The following DMD variants were observed in gnomAD, a reference collection of about 807,000 sequenced individuals.
DMD encodes the protein dystrophin.
DMD carries 63 observed loss-of-function variants against 330.1 expected under a neutral mutation model. That is an observed-to-expected ratio of 0.19 (90% CI 0.16 to 0.24). The LOEUF is 0.24. Among genes scored for constraint, DMD ranks in the 10% least tolerant of loss-of-function variants. The pLI, the probability that DMD is intolerant of heterozygous loss-of-function variation, is 1.00. For synonymous variants in DMD, 1,223 were observed against 959.8 expected, an observed-to-expected ratio of 1.27 and a Z score of -5.07; for missense variants, 3,344 against 2,684.1, an observed-to-expected ratio of 1.25 and a Z score of -5.43.
At chrX:31,314,742 C>CAGAGAGAGAGAG (rs199994602) in intron 62 of DMD, among the ~76,000 whole-genome samples, 10 of 55,283 alleles carry the variant, frequency 1.8e-4, no homozygotes, top group African/African-American at 8.5e-4. Context: ...AATACATACA[C>CAGAGAGAGAGAG]AGAGAGAGAG....
intron 17 of DMD, among the ~76,000 whole-genome samples, chrX:32,540,158 CTAGATAA>C (rs907014507): frequency 9.0e-6 from 1 of 111,290 alleles, no homozygotes; most frequent in Non-Finnish European, 1.9e-5. Context: ...TACCAATTAA[CTAGATAA>C]TAGATCTAGT....
chrX:33,090,359 T>G lies in DMD; in HGVS notation c.32-70159A>C, dbSNP rs181413148. Among the ~76,000 whole-genome samples, 306 of 108,701 alleles carry G rather than the reference T, an allele frequency of 2.8e-3. 7 individuals are homozygous for G. In the Admixed American group the frequency reaches 0.029, roughly 10 times the overall value. The allele number at this position is 108,701 out of a possible 115,157, so 94.4% of individuals were successfully genotyped here. ...AATGATAGTATAGAATATTATTCTA[T>G]TCTATACTATATTATTATAGAATAT... On this transcript the variant is annotated intron_variant, in intron 1 of 78. Coordinates refer to ENST00000357033, the MANE Select transcript of DMD (RefSeq NM_004006.3).
intron 27 of DMD, among the ~76,000 whole-genome samples, chrX:32,444,373 A>G (rs2098294986): frequency 9.1e-6 from 1 of 110,434 alleles, no homozygotes; most frequent in South Asian, 3.7e-4. Context: ...AAAAAAAAAG[A>G]CAAAAATTCC....
At chrX:32,685,058 T>G in intron 9 of DMD, among the ~76,000 whole-genome samples, 1 of 111,540 alleles carries the variant, frequency 9.0e-6, no homozygotes, top group Non-Finnish European at 1.9e-5. Context: ...TTTTAAGAGC[T>G]TATAAAAACT....
At chrX:31,287,422 A>G (rs1289830858) in intron 62 of DMD, among the ~76,000 whole-genome samples, 1 of 112,725 alleles carries the variant, frequency 8.9e-6, no homozygotes, top group Non-Finnish European at 1.9e-5. Context: ...GGCAGCAGGC[A>G]CTTTGTATAA....
intron 43 of DMD, among the ~76,000 whole-genome samples, chrX:32,226,931 A>G (rs1368352073): frequency 9.1e-6 from 1 of 110,153 alleles, no homozygotes; most frequent in African/African-American, 3.3e-5. Flanking sequence ...CATTAATAAA[A>G]GACACAAAAT....
At chrX:32,331,119 A>C (rs2097677350) in intron 41 of DMD, among the ~76,000 whole-genome samples, 1 of 111,810 alleles carries the variant, frequency 8.9e-6, no homozygotes, top group Admixed American at 9.5e-5. Flanking sequence ...CTTTGTAAAA[A>C]TTTAGTCTTG....
At chrX:31,867,090 T>TTATATATATATATA (rs1569487063) in intron 48 of DMD, among the ~76,000 whole-genome samples, 10 of 56,832 alleles carry the variant, frequency 1.8e-4, no homozygotes, top group African/African-American at 8.2e-4. Context: ...CAACATATTT[T>TTATATATATATATA]GATATATATA....
At chrX:32,937,220 G>C (rs111537345) in intron 2 of DMD, among the ~76,000 whole-genome samples, 333 of 110,617 alleles carry the variant, frequency 3.0e-3, no homozygotes, top group African/African-American at 9.9e-3. Context: ...ATGCAAGAGA[G>C]AACTGTCCAG....
At chrX:32,126,916 G>A (rs2146855260) in intron 44 of DMD, among the ~76,000 whole-genome samples, 1 of 111,922 alleles carries the variant, frequency 8.9e-6, no homozygotes, top group East Asian at 2.8e-4. Context: ...TTTTAACTGG[G>A]CTATCTAATT....
chrX:31,983,974 C>T (rs1889934572), intron 44 of DMD, among the ~76,000 whole-genome samples: 1 of 111,423 alleles, frequency 9.0e-6, no homozygotes, highest in African/African-American at 3.3e-5. Flanking sequence ...TTATTCGGTA[C>T]TGGCTCTTTT....
At chrX:32,038,971 C>T (rs951002695) in intron 44 of DMD, among the ~76,000 whole-genome samples, 5 of 111,058 alleles carry the variant, frequency 4.5e-5, no homozygotes, top group African/African-American at 1.6e-4. Context: ...AATAGAGAAA[C>T]TAGGTTAAGA....
chrX:33,158,722 A>C (rs1192078826), intron 1 of DMD, among the ~76,000 whole-genome samples: 1 of 111,707 alleles, frequency 9.0e-6, no homozygotes, highest in South Asian at 3.8e-4. Flanking sequence ...TCTGTTGCTC[A>C]GATATCATGT....
intron 18 of DMD, among the ~76,000 whole-genome samples, chrX:32,510,215 C>T (rs1441997126): frequency 9.0e-6 from 1 of 111,724 alleles, no homozygotes; most frequent in African/African-American, 3.3e-5. Context: ...TGCTAAACAT[C>T]GTGATTTTTC....
At chrX:31,512,810 C>T (rs988256351) in intron 55 of DMD, among the ~76,000 whole-genome samples, 3 of 110,738 alleles carry the variant, frequency 2.7e-5, no homozygotes, top group Non-Finnish European at 5.7e-5. Context: ...ATTGACTTGG[C>T]GATGTGGGCT....
intron 75 of DMD, among the ~76,000 whole-genome samples, chrX:31,147,016 G>C (rs770059060): frequency 9.0e-6 from 1 of 111,603 alleles, no homozygotes; most frequent in South Asian, 3.8e-4. Context: ...AAACCTTTAG[G>C]CGTTTTTTTC....
intron 65 of DMD, among the ~76,000 whole-genome samples, chrX:31,207,044 A>T (rs751976929): frequency 8.9e-6 from 1 of 111,926 alleles, no homozygotes; most frequent in Non-Finnish European, 1.9e-5. Flanking sequence ...TCACCAATCT[A>T]CTTTGGTTAC....
At chrX:32,202,233 C>T (rs2097043447) in intron 44 of DMD, among the ~76,000 whole-genome samples, 1 of 112,185 alleles carries the variant, frequency 8.9e-6, no homozygotes, top group African/African-American at 3.2e-5. Flanking sequence ...GAATGATACG[C>T]AAAACAGCAT....
chrX:31,413,610 G>A (rs1430711322), intron 60 of DMD, among the ~76,000 whole-genome samples: 1 of 112,061 alleles, frequency 8.9e-6, no homozygotes, highest in African/African-American at 3.2e-5. Flanking sequence ...ATGGAGGGTT[G>A]TGAAATGAAG....
Sources: allele counts gnomAD v4.1 joint callset (sites outside exome capture counted in the v4.1 genomes callset), GRCh38; gene constraint gnomAD v4.1.1; transcripts MANE v1.5; gene names NCBI Gene and HGNC (gene_info 2026-07-23, HGNC 2026-07-21).